The following VPS54 variants were observed in gnomAD, a reference collection of about 807,000 sequenced individuals.
VPS54 encodes the protein VPS54 subunit of GARP complex.
Under a neutral mutation model 121.5 loss-of-function variants are expected in VPS54, and 45 were observed. That is an observed-to-expected ratio of 0.37 (90% CI 0.29 to 0.47). The LOEUF is 0.47. Among genes scored for constraint, VPS54 ranks in the 20% least tolerant of loss-of-function variants. The pLI is 0.99. For missense variants in VPS54, 1,090 were observed against 1,131.4 expected (o/e 0.96, Z 0.52); for synonymous variants, 371 against 385.8 (o/e 0.96, Z 0.45).
chr2:63,946,316 A>T (rs1674975850), intron 9 of VPS54, among the ~76,000 whole-genome samples: 1 of 152,116 alleles, frequency 6.6e-6, no homozygotes, highest in South Asian at 2.1e-4. Context: ...TCCAGTTTTT[A>T]AAATTACAAA....
intron 15 of VPS54, among the ~76,000 whole-genome samples, chr2:63,918,851 TC>T (rs1673503966): frequency 6.6e-6 from 1 of 152,004 alleles, no homozygotes; most frequent in East Asian, 1.9e-4. Context: ...TGTCTACCCT[TC>T]CTCACTTTTC....
chr2:63,972,074 A>G (rs2104587173), intron 4 of VPS54, 92 bp downstream of exon 4: 1 of 671,492 alleles, frequency 1.5e-6, no homozygotes. Context: ...TAAAAATTAT[A>G]GATATAACAG....
intron 4 of VPS54, among the ~76,000 whole-genome samples, chr2:63,971,087 A>T (rs1345970745): frequency 1.3e-5 from 2 of 152,174 alleles, no homozygotes; most frequent in African/African-American, 2.4e-5. Flanking sequence ...CAGTTGTCCA[A>T]GCAAGAAACC....
intron 1 of VPS54, among the ~76,000 whole-genome samples, chr2:64,015,826 G>T (rs1396139058): frequency 1.3e-5 from 2 of 152,054 alleles, no homozygotes; most frequent in African/African-American, 4.8e-5. Flanking sequence ...CCCTTCCTTA[G>T]GTTAAAGCAT....
intron 1 of VPS54, among the ~76,000 whole-genome samples, chr2:64,008,469 A>G (rs1678272052): frequency 6.6e-6 from 1 of 151,838 alleles, no homozygotes; most frequent in South Asian, 2.1e-4. Flanking sequence ...TCAGAGTTAC[A>G]TACACACAGG....
In VPS54 at chr2:63,967,736, T is replaced by A. The variant is rs868569448; in HGVS notation, c.492+1221A>T. On this transcript the variant is annotated intron_variant, in intron 5 of 22. Coordinates refer to ENST00000272322, the MANE Select transcript of VPS54 (RefSeq NM_016516.3). Reference sequence around the variant, plus strand: ...TCTGCCTCAAAAAAAAAAAAAAAAATCTTATAAGGAGAAGAGGGACAAATC... The same window carrying A: ...TCTGCCTCAAAAAAAAAAAAAAAAAACTTATAAGGAGAAGAGGGACAAATC... Among the ~76,000 whole-genome samples the A allele has an allele frequency of 2.3e-3, 126 of 54,434 alleles. 1 individual carries two copies. The highest frequency in any genetic ancestry group is 3.2e-3 in the Non-Finnish European group (71 of 22,082). 35.7% of individuals were successfully genotyped at this position (54,434 alleles called of 152,430 possible).
At chr2:63,936,220 G>A (rs1227533522) in intron 11 of VPS54, among the ~76,000 whole-genome samples, 2 of 152,034 alleles carry the variant, frequency 1.3e-5, no homozygotes, top group Non-Finnish European at 2.9e-5. Flanking sequence ...AGTATATCAG[G>A]TATTCTAGGG....
At chr2:63,971,876 GACT>G (rs1447412876) in intron 4 of VPS54, among the ~76,000 whole-genome samples, 2 of 152,114 alleles carry the variant, frequency 1.3e-5, no homozygotes, top group Non-Finnish European at 2.9e-5. Flanking sequence ...AAGTAGTTGG[GACT>G]ACACACATGT....
chr2:63,994,520 C>T (rs187097447), intron 1 of VPS54, among the ~76,000 whole-genome samples: 4 of 152,266 alleles, frequency 2.6e-5, no homozygotes, highest in Admixed American at 1.3e-4. Flanking sequence ...CAGGAAAAGG[C>T]GGCACTGCAT....
Position 63,962,316 on chromosome 2 carries a change from G to C in VPS54, c.752C>G (p.Ala251Gly). The change falls in exon 7 of 23, where the codon GCT becomes GGT. Residue 251 changes from alanine to glycine, a missense_variant. This residue lies in a region of VPS54 where 801 missense variants were observed against 757.0 expected (regional missense o/e 1.06). Coordinates refer to ENST00000272322, the MANE Select transcript of VPS54 (RefSeq NM_016516.3). ...AATTTTATCTCGAAGCATTTTTACA[G>C]CCTGGGAAGTTTTCCTGAGGTAGTC... ...LQDYLRKTSQ[A>G]VKMLRDKIAQ... 1 of 1,613,962 alleles carries C rather than the reference G, an allele frequency of 6.2e-7. No homozygotes were observed. Among genetic ancestry groups the C allele is most frequent in the East Asian group, 2.2e-5 (1 of 44,868 alleles).
In VPS54 at chr2:63,979,469, G is replaced by A. The variant is rs543234886; in HGVS notation, c.378+2177C>T. Among the ~76,000 whole-genome samples, 34 of 152,058 alleles carry A rather than the reference G, an allele frequency of 2.2e-4. No homozygotes were observed. The South Asian group carries it at 6.4e-3, about 29-fold the overall frequency. The stretch of plus-strand genomic sequence containing the variant: ...CTGGCCAGGCTGGTCTTGAACTCCT[G>A]ACCTCAGGTGATCCACCCACCTTGG... On this transcript the variant is annotated intron_variant, in intron 3 of 22. Transcript: ENST00000272322.
At chr2:63,932,901 A>G (rs1674280221) in intron 12 of VPS54, among the ~76,000 whole-genome samples, 1 of 152,132 alleles carries the variant, frequency 6.6e-6, no homozygotes, top group Admixed American at 6.6e-5. Flanking sequence ...GTATTTAATC[A>G]GTATACTAAG....
intron 17 of VPS54, chr2:63,913,957 T>G: frequency 7.6e-7 from 1 of 1,316,510 alleles, no homozygotes; most frequent in Non-Finnish European, 9.8e-7. Flanking sequence ...GTCTCCAATG[T>G]CATTAACAAC....
At chr2:64,009,641 G>A (rs1678334752) in intron 1 of VPS54, among the ~76,000 whole-genome samples, 2 of 151,800 alleles carry the variant, frequency 1.3e-5, no homozygotes, top group African/African-American at 2.4e-5. Context: ...GTAATTTACT[G>A]CATTTTTCTT....
intron 3 of VPS54, among the ~76,000 whole-genome samples, chr2:63,976,369 A>C (rs575131277): frequency 1.1e-4 from 16 of 151,266 alleles, no homozygotes; most frequent in Admixed American, 1.1e-3. Context: ...AAAAAACAAA[A>C]AACAAAAAAA....
At chr2:63,927,967 A>G (rs1673993477) in intron 12 of VPS54, among the ~76,000 whole-genome samples, 1 of 152,226 alleles carries the variant, frequency 6.6e-6, no homozygotes, top group African/African-American at 2.4e-5. Context: ...TAGAGAAAAA[A>G]GAGTGAAAAG....
intron 11 of VPS54, among the ~76,000 whole-genome samples, chr2:63,939,693 G>C (rs904284409): frequency 6.6e-6 from 1 of 151,090 alleles, no homozygotes. Flanking sequence ...CTTGTTCTAG[G>C]AAGATAAAAG....
chr2:63,923,513 A>C (rs187486254), intron 12 of VPS54, among the ~76,000 whole-genome samples: 20 of 152,308 alleles, frequency 1.3e-4, no homozygotes, highest in African/African-American at 4.8e-4. Context: ...ACGTGGAAGC[A>C]ACCCAAGTGT....
At chr2:63,961,962 A>C in intron 7 of VPS54, 96 bp downstream of exon 7, 1 of 1,263,788 alleles carries the variant, frequency 7.9e-7, no homozygotes. Flanking sequence ...ATATCCATTT[A>C]ACTTTGAATA....
Sources: gnomAD v4.1 joint callset for allele counts (sites outside exome capture counted in the v4.1 genomes callset) on GRCh38, gnomAD v4.1.1 for gene constraint, gnomAD v4.1.1 regional missense constraint, MANE v1.5 for transcripts, NCBI Gene and HGNC (gene_info 2026-07-23, HGNC 2026-07-21) for gene names.